FBXO3: variants seen among roughly 807,000 people sequenced by gnomAD.
FBXO3 encodes the protein F-box protein 3.
In FBXO3, 17 loss-of-function variants were observed where a neutral mutation model predicts 64.8. The ratio of observed to expected loss-of-function variants is 0.26; its 90% CI spans 0.18 to 0.39. The LOEUF (loss-of-function observed/expected upper bound fraction) is 0.39, where lower values mean the gene tolerates loss of function less well. Ranked by LOEUF, FBXO3 falls within the 10% of genes least tolerant of loss-of-function variation. FBXO3 has a pLI of 1.00. For missense variants in FBXO3, 420 were observed against 589.9 expected (o/e 0.71, Z 2.98); for synonymous variants, 182 against 201.6 (o/e 0.90, Z 0.82).
intron 3 of FBXO3, among the ~76,000 whole-genome samples, chr11:33,762,381 A>C (rs1296465454): frequency 6.6e-6 from 1 of 152,232 alleles, no homozygotes; most frequent in Non-Finnish European, 1.5e-5. Flanking sequence ...ACCAAAATAG[A>C]TCACATACCG....
At chr11:33,754,954 C>A (rs1018342567) in intron 5 of FBXO3, among the ~76,000 whole-genome samples, 1 of 149,758 alleles carries the variant, frequency 6.7e-6, no homozygotes, top group African/African-American at 2.5e-5. Context: ...TGACCTCCGC[C>A]TCCCGGATTC....
At chr11:33,749,527 A>G (rs535162443) in intron 8 of FBXO3, among the ~76,000 whole-genome samples, 90 of 152,176 alleles carry the variant, frequency 5.9e-4, no homozygotes, top group African/African-American at 2.0e-3. Context: ...ACACCTGGCT[A>G]ATTTTTTTAA....
chr11:33,774,341 C>T, intron 1 of FBXO3, 53 bp downstream of exon 1: 1 of 1,442,518 alleles, frequency 6.9e-7, no homozygotes, highest in Non-Finnish European at 9.5e-7. Flanking sequence ...CCCCCTGCCT[C>T]ACCGCCTCCT....
chr11:33,770,882 T>TA (rs1321981148), intron 1 of FBXO3, 52 bp from the exon 2 acceptor site: 1 of 1,365,094 alleles, frequency 7.3e-7, no homozygotes, highest in Middle Eastern at 1.9e-4. Context: ...GAAAACAATT[T>TA]AAAAATAAAG....
chr11:33,742,228 A>T (rs1457929862), intron 10 of FBXO3, 144 bp from the exon 11 acceptor site: 2 of 612,684 alleles, frequency 3.3e-6, no homozygotes, highest in Non-Finnish European at 5.1e-6. Flanking sequence ...GATTCTCACA[A>T]CACACATGCT....
chr11:33,751,551 A>G lies in FBXO3; in HGVS notation c.781T>C (p.Phe261Leu). 6.2e-7 allele frequency: 1 copy of G among 1,609,942 alleles called. No homozygotes were observed. Among genetic ancestry groups the G allele is most frequent in the East Asian group, 2.2e-5 (1 of 44,500 alleles). Reference protein sequence around the residue: ...SYVKNVVSGGFPIIRDQIFRY... With the variant: ...SYVKNVVSGGLPIIRDQIFRY... Reference sequence around the variant, plus strand: ...AAAATTTGGTCTCTGATGATGGGGAAGCCACCTGATACAACATTTTTGACA... The same window carrying G: ...AAAATTTGGTCTCTGATGATGGGGAGGCCACCTGATACAACATTTTTGACA... The change falls in exon 7 of 11, where the codon TTC becomes CTC. Residue 261 changes from phenylalanine to leucine, a missense_variant. Transcript: ENST00000265651.
At position 33,758,584 on chromosome 11, in the gene FBXO3, C is replaced by G; in HGVS notation, c.376G>C (p.Asp126His). ...LSLKEGAREE[D>H]LDAVEAQIGC... The stretch of plus-strand genomic sequence containing the variant: ...ATCTGCGCTTCCACAGCATCGAGGT[C>G]TTCCTCTCGAGCACCCTCTATAAAG... Residue 126 changes from aspartate (D) to histidine (H), a missense_variant, in exon 4 of 11, where the codon GAC becomes CAC. Physicochemically the swap from Asp to His is moderately conservative, Grantham distance 81 (BLOSUM62 -1). Around this residue, in one of 3 missense-constraint regions of FBXO3, gnomAD observed 337 missense variants for 518.4 expected, o/e 0.65. Transcript: ENST00000265651. The G allele has an allele frequency of 5.0e-6, 8 of 1,606,472 alleles. No individual in the cohort carries two copies. Among genetic ancestry groups the G allele is most frequent in the Non-Finnish European group, 6.8e-6 (8 of 1,174,566 alleles).
rs1590564460 is a variant in FBXO3, at chr11:33,748,966, C to T, written c.933-74G>A. On this transcript the variant is annotated intron_variant, in intron 8 of 10. Coordinates refer to ENST00000265651, the MANE Select transcript of FBXO3 (RefSeq NM_012175.4). ...TCTTTGGTTTAAGAGATACAGTATT[C>T]AGGCTAATACTATGAAGAAAAATTT... 16 of 820,726 alleles carry T rather than the reference C, an allele frequency of 1.9e-5. No individual in the cohort carries two copies. The East Asian group carries it at 3.8e-4, about 20-fold the overall frequency. 50.8% of individuals were successfully genotyped at this position (820,726 alleles called of 1,614,324 possible). A position where few individuals can be genotyped will look rare whatever the true frequency, so the allele number is the denominator to read the frequency against.
chr11:33,754,575 C>T, intron 5 of FBXO3, 75 bp from the exon 6 acceptor site: 2 of 1,304,200 alleles, frequency 1.5e-6, no homozygotes, highest in Admixed American at 4.6e-5. Context: ...CTGTATCTTT[C>T]CCTGGAGACG....
intron 3 of FBXO3, among the ~76,000 whole-genome samples, chr11:33,760,487 A>AAC (rs1855216442): frequency 1.3e-5 from 2 of 152,200 alleles, no homozygotes; most frequent in South Asian, 4.1e-4. Context: ...TAAAAAAAAA[A>AAC]ACCTTAAAAA....
At chr11:33,766,396 GA>G (rs796714329) in intron 3 of FBXO3, among the ~76,000 whole-genome samples, 35 of 152,262 alleles carry the variant, frequency 2.3e-4, no homozygotes, top group African/African-American at 7.7e-4. Context: ...AGTTTTATTG[GA>G]ATACAGCAAC....
intron 4 of FBXO3, among the ~76,000 whole-genome samples, chr11:33,757,401 C>T (rs950850463): frequency 6.0e-5 from 9 of 149,058 alleles, no homozygotes; most frequent in African/African-American, 2.2e-4. Context: ...ATCCCTTGAG[C>T]CTAGGAGTTC....
chr11:33,755,255 C>A (rs903896802), intron 5 of FBXO3, among the ~76,000 whole-genome samples: 1 of 152,112 alleles, frequency 6.6e-6, no homozygotes. Flanking sequence ...GGTTGTGTAA[C>A]TGAGAAATTA....
At chr11:33,754,712 G>A (rs1278671400) in intron 5 of FBXO3, among the ~76,000 whole-genome samples, 1 of 152,076 alleles carries the variant, frequency 6.6e-6, no homozygotes, top group East Asian at 1.9e-4. Context: ...TCAGTAAATG[G>A]AGAGACCAAG....
chr11:33,770,922 CTT>C, intron 1 of FBXO3, 92 bp from the exon 2 acceptor site: 5 of 1,001,352 alleles, frequency 5.0e-6, no homozygotes, highest in Non-Finnish European at 7.3e-6. Flanking sequence ...TGTTTTATGC[CTT>C]TTGTTTCTCT....
chr11:33,774,397 A>G lies in FBXO3; in HGVS notation c.101T>C (p.Ile34Thr). 6.2e-7 allele frequency: 1 copy of G among 1,600,742 alleles called. No homozygotes were observed. Among genetic ancestry groups the G allele is most frequent in the Non-Finnish European group, 8.5e-7 (1 of 1,173,796 alleles). The change falls in exon 1 of 11, where the codon ATC becomes ACC. Residue 34 changes from isoleucine (I) to threonine (T), a missense_variant. Ile to Thr is a moderately conservative substitution (Grantham distance 89, BLOSUM62 -1). Coordinates refer to ENST00000265651, the MANE Select transcript of FBXO3 (RefSeq NM_012175.4). ...ILSFLDYRDL[I>T]NCCYVSRRLS... is the part of the protein sequence containing the mutation. ...GCCATGCGTGTCGTCCCATTACTTG[A>G]TTAGATCCCGATAGTCCAAAAAGGA... is the stretch of plus-strand genomic sequence containing the variant.
intron 1 of FBXO3, chr11:33,773,569 C>T (rs914828318): frequency 6.6e-6 from 1 of 152,212 alleles, no homozygotes; most frequent in Non-Finnish European, 1.5e-5. Context: ...ATGCCACCCC[C>T]TGTCAAGGGT....
chr11:33,755,954 C>T lies in FBXO3; in HGVS notation c.495G>A (p.Leu165=). The T allele has an allele frequency of 1.2e-6, 2 of 1,614,072 alleles. No homozygotes were observed. The highest frequency in any genetic ancestry group is 1.7e-6 in the Non-Finnish European group (2 of 1,179,988). The change falls in exon 5 of 11, where the codon CTG becomes CTA. Residue 165 remains leucine (L), a synonymous_variant. Coordinates refer to ENST00000265651, the MANE Select transcript of FBXO3 (RefSeq NM_012175.4). ...AATCTTCAGAACGATAGTGATTAGA[C>T]AGTGCCATGCTTCCCAATAACCTGA... The part of the protein sequence containing the change: ...VVPGLLGSMA[L]SNHYRSEDLL...
chr11:33,756,405 A>C (rs1855098447), intron 4 of FBXO3, among the ~76,000 whole-genome samples: 3 of 152,224 alleles, frequency 2.0e-5, no homozygotes, highest in Admixed American at 2.0e-4. Context: ...AAGCAGCTTA[A>C]ACCTTGTCCA....
Sources: allele counts gnomAD v4.1 joint callset (sites outside exome capture counted in the v4.1 genomes callset), GRCh38; gene constraint gnomAD v4.1.1; regional missense constraint gnomAD v4.1.1; transcripts MANE v1.5; gene names NCBI Gene and HGNC (gene_info 2026-07-23, HGNC 2026-07-21).